C10orf143: variants seen among roughly 807,000 people sequenced by gnomAD.
C10orf143 encodes the protein chromosome 10 open reading frame 143, also known as uncharacterized protein C10orf143.
chr10:130,102,674 GCCTATTTTT>G (rs1287478600), intron 1 of C10orf143, among the ~76,000 whole-genome samples: 2 of 152,134 alleles, frequency 1.3e-5, no homozygotes, highest in African/African-American at 4.8e-5. Flanking sequence ...TTGTGGATTT[GCCTATTTTT>G]CCTTGCAGTT....
intron 1 of C10orf143, among the ~76,000 whole-genome samples, chr10:130,089,302 A>G (rs1861343450): frequency 6.6e-6 from 1 of 152,264 alleles, no homozygotes; most frequent in South Asian, 2.1e-4. Context: ...TCTTAAGGAA[A>G]GCAGTTATGC....
At chr10:130,051,013 A>G (rs1860731080) in intron 3 of C10orf143, among the ~76,000 whole-genome samples, 1 of 152,182 alleles carries the variant, frequency 6.6e-6, no homozygotes, top group Admixed American at 6.5e-5. Context: ...GCTGGCTGTG[A>G]TTACAGTCCT....
chr10:130,080,406 A>G (rs1374021248), intron 1 of C10orf143, among the ~76,000 whole-genome samples: 3 of 152,250 alleles, frequency 2.0e-5, no homozygotes, highest in African/African-American at 7.2e-5. Context: ...GAAAGTTAGC[A>G]TTTGGTTTTT....
chr10:130,107,332 C>T (rs778557845), intron 1 of C10orf143: 1 of 1,060,688 alleles, frequency 9.4e-7, no homozygotes, highest in South Asian at 1.3e-5. Context: ...TGGAGACCTA[C>T]AGACAGCGAG....
chr10:130,040,341 C>T (rs900532464), intron 3 of C10orf143, among the ~76,000 whole-genome samples: 6 of 152,212 alleles, frequency 3.9e-5, no homozygotes, highest in African/African-American at 1.4e-4. Context: ...CCTAGCCTGC[C>T]GTGCAAGCGT....
chr10:130,095,190 C>A (rs868474764), intron 1 of C10orf143, among the ~76,000 whole-genome samples: 1 of 141,084 alleles, frequency 7.1e-6, no homozygotes, highest in Non-Finnish European at 1.5e-5. Context: ...GACCTCTTCA[C>A]AATTGCTACA....
intron 1 of C10orf143, among the ~76,000 whole-genome samples, chr10:130,105,564 C>G (rs895608427): frequency 2.6e-5 from 4 of 152,078 alleles, no homozygotes; most frequent in Non-Finnish European, 5.9e-5. Flanking sequence ...AACCTCATCT[C>G]TACTAAAAAT....
chr10:130,093,010 G>A (rs147075605), intron 1 of C10orf143, among the ~76,000 whole-genome samples: 23,854 of 152,094 alleles, frequency 0.16, 2,509 homozygotes, highest in Non-Finnish European at 0.22. Flanking sequence ...ATAGATCAAC[G>A]AGACAGAAAA....
At chr10:130,076,183 A>G (rs1017044553) in intron 3 of C10orf143, among the ~76,000 whole-genome samples, 3 of 151,640 alleles carry the variant, frequency 2.0e-5, no homozygotes, top group African/African-American at 7.3e-5. Context: ...GGAGCCAAAC[A>G]CTCACCAGGA....
At chr10:130,102,990 TAAAAG>T (rs1861582485) in intron 1 of C10orf143, among the ~76,000 whole-genome samples, 1 of 147,558 alleles carries the variant, frequency 6.8e-6, no homozygotes, top group Non-Finnish European at 1.5e-5. Context: ...TTTTTTTTTT[TAAAAG>T]ATTGTGTTTC....
chr10:130,096,343 G>C (rs1369863491), intron 1 of C10orf143, among the ~76,000 whole-genome samples: 5 of 151,792 alleles, frequency 3.3e-5, no homozygotes, highest in Non-Finnish European at 1.5e-5. Context: ...ACTGTTGGTG[G>C]GAGTGTAAAT....
intron 3 of C10orf143, among the ~76,000 whole-genome samples, chr10:130,046,635 C>G (rs1328117247): frequency 6.6e-6 from 1 of 152,238 alleles, no homozygotes; most frequent in African/African-American, 2.4e-5. Flanking sequence ...GGGAAACACA[C>G]TTCAGATAGG....
intron 1 of C10orf143, among the ~76,000 whole-genome samples, chr10:130,110,352 G>A (rs1861740191): frequency 6.6e-6 from 1 of 152,172 alleles, no homozygotes; most frequent in African/African-American, 2.4e-5. Flanking sequence ...GGTGTAGACG[G>A]CAGGAGAAGA....
At chr10:130,042,451 C>T (rs953915281) in intron 3 of C10orf143, among the ~76,000 whole-genome samples, 2 of 152,256 alleles carry the variant, frequency 1.3e-5, no homozygotes, top group African/African-American at 2.4e-5. Context: ...ATTTCACCAT[C>T]GTTTTCTCAA....
chr10:130,071,517 A>G (rs963525183), intron 3 of C10orf143, among the ~76,000 whole-genome samples: 1 of 152,238 alleles, frequency 6.6e-6, no homozygotes, highest in Non-Finnish European at 1.5e-5. Flanking sequence ...TTTATTCAAG[A>G]AACCCATCTT....
intron 3 of C10orf143, among the ~76,000 whole-genome samples, chr10:130,039,541 T>C (rs1860583463): frequency 6.6e-6 from 1 of 152,148 alleles, no homozygotes; most frequent in Non-Finnish European, 1.5e-5. Flanking sequence ...CCCACACTGA[T>C]CTCATGAGTG....
chr10:130,094,139 A>C (rs1861427590), intron 1 of C10orf143, among the ~76,000 whole-genome samples: 1 of 152,212 alleles, frequency 6.6e-6, no homozygotes, highest in South Asian at 2.1e-4. Flanking sequence ...AAATGGATAC[A>C]TTCCTGGATA....
intron 3 of C10orf143, among the ~76,000 whole-genome samples, chr10:130,078,297 G>C (rs1861152822): frequency 6.6e-6 from 1 of 152,130 alleles, no homozygotes; most frequent in Admixed American, 6.5e-5. Context: ...CCAACAGATG[G>C]GGGGATGTGA....
chr10:130,073,192 G>T (rs529373867), intron 3 of C10orf143, among the ~76,000 whole-genome samples: 1 of 152,158 alleles, frequency 6.6e-6, no homozygotes, highest in African/African-American at 2.4e-5. Context: ...TACACACTGG[G>T]TGGTGGAGGC....
Sources: gnomAD v4.1 joint callset for allele counts (sites outside exome capture counted in the v4.1 genomes callset) on GRCh38, gnomAD v4.1.1 for gene constraint, MANE v1.5 for transcripts, NCBI Gene and HGNC (gene_info 2026-07-23, HGNC 2026-07-21) for gene names.